The following GORAB variants were observed in gnomAD, a reference collection of about 807,000 sequenced individuals.
GORAB encodes the protein golgin, RAB6 interacting, also known as RAB6-interacting golgin.
Under a neutral mutation model 29.9 loss-of-function variants are expected in GORAB, and 17 were observed. The ratio of observed to expected loss-of-function variants is 0.57; its 90% CI spans 0.39 to 0.85. GORAB has a LOEUF of 0.85. GORAB is among the 40% of genes least tolerant of loss of function. The probability of loss-of-function intolerance (pLI) is 0.00; values close to 1 mark genes in which losing one functional copy is unlikely to be tolerated. For synonymous variants in GORAB, 183 were observed against 157.2 expected, an observed-to-expected ratio of 1.16 and a Z score of -1.23; for missense variants, 442 against 437.8, an observed-to-expected ratio of 1.01 and a Z score of -0.09.
chr1:170,538,253 T>G (rs1368980646), intron 1 of GORAB, among the ~76,000 whole-genome samples: 1 of 152,212 alleles, frequency 6.6e-6, no homozygotes, highest in Non-Finnish European at 1.5e-5. Context: ...CTAGAGCTTT[T>G]AACTATACTT....
In GORAB at chr1:170,552,290, C is replaced by T. The variant is rs1329427907; in HGVS notation, c.938C>T (p.Pro313Leu). The change falls in exon 5 of 5, where the codon CCT becomes CTT. Residue 313 changes from proline to leucine, a missense_variant. By Grantham distance (98) the Pro-to-Leu change is moderately conservative. Transcript: ENST00000367763. Reference protein sequence around the residue: ...PVVRLERPFQPAEESVTLEFA... With the variant: ...PVVRLERPFQLAEESVTLEFA... ...GTTCGTTTAGAGAGGCCATTTCAGC[C>T]TGCGGAGGAGAGTGTGACATTAGAA... 1 of 1,614,104 alleles carries T rather than the reference C, an allele frequency of 6.2e-7. No individual in the cohort carries two copies. The highest frequency in any genetic ancestry group is 1.1e-5 in the South Asian group (1 of 91,086).
At position 170,553,255 on chromosome 1, in the gene GORAB, A is replaced by G. The variant is rs1650239725; in HGVS notation, c.*793A>G. ...GCTACTTGTGATTATCAAAAAAAGTATGTATTTTCTTTCTAAAGTTATCTA... is the reference window on the plus strand; with the variant it reads ...GCTACTTGTGATTATCAAAAAAAGTGTGTATTTTCTTTCTAAAGTTATCTA... On this transcript the variant is annotated 3_prime_UTR_variant, in exon 5 of 5. Coordinates refer to ENST00000367763, the MANE Select transcript of GORAB (RefSeq NM_152281.3). 2.2e-6 allele frequency: 1 copy of G among 447,516 alleles called. No individual in the cohort carries two copies. Among genetic ancestry groups the G allele is most frequent in the Non-Finnish European group, 4.4e-6 (1 of 224,798 alleles). The allele number at this position is 447,516 out of a possible 1,614,324, so 27.7% of individuals were successfully genotyped here. A position where few individuals can be genotyped will look rare whatever the true frequency, so the allele number is the denominator to read the frequency against.
intron 4 of GORAB, chr1:170,545,842 AT>A: frequency 1.6e-6 from 1 of 618,416 alleles, no homozygotes; most frequent in Non-Finnish European, 2.0e-6. Flanking sequence ...ACCATATGCT[AT>A]TAGACTTAGA....
chr1:170,537,291 G>A (rs1274153041), intron 1 of GORAB, among the ~76,000 whole-genome samples: 1 of 152,106 alleles, frequency 6.6e-6, no homozygotes, highest in Non-Finnish European at 1.5e-5. Flanking sequence ...TGCATTGTGA[G>A]CAGAAGTGTT....
At chr1:170,535,006 C>T (rs976591535) in intron 1 of GORAB, among the ~76,000 whole-genome samples, 6 of 152,154 alleles carry the variant, frequency 3.9e-5, no homozygotes, top group Non-Finnish European at 8.8e-5. Flanking sequence ...TCACTCGTTT[C>T]ATGTTTAATG....
At chr1:170,551,798 T>C (rs1352845914) in intron 4 of GORAB, among the ~76,000 whole-genome samples, 1 of 152,240 alleles carries the variant, frequency 6.6e-6, no homozygotes, top group Non-Finnish European at 1.5e-5. Flanking sequence ...ATAACATGTT[T>C]TCATTAGGTG....
intron 1 of GORAB, among the ~76,000 whole-genome samples, chr1:170,533,052 G>C (rs1178133369): frequency 1.3e-5 from 2 of 152,162 alleles, no homozygotes; most frequent in Admixed American, 6.5e-5. Flanking sequence ...CTTTGCTTGT[G>C]GTTGAAATTT....
rs1247450008 is a variant in GORAB, at chr1:170,552,253, A to G, written c.901A>G (p.Arg301Gly). The change falls in exon 5 of 5, where the codon AGG becomes GGG. Residue 301 changes from arginine to glycine, a missense_variant. Transcript: ENST00000367763. ...GCTACACGAACAAGAAGTAGAATCA[A>G]GGAGACCAGTGGTTCGTTTAGAGAG... ...RLLHEQEVES[R>G]RPVVRLERPF... 5.0e-6 allele frequency: 8 copies of G among 1,614,048 alleles called. No homozygotes were observed. Among genetic ancestry groups the G allele is most frequent in the Admixed American group, 1.7e-5 (1 of 60,006 alleles).
At chr1:170,545,771 C>G (rs975007752) in intron 4 of GORAB, 4 of 980,436 alleles carry the variant, frequency 4.1e-6, no homozygotes, top group Non-Finnish European at 4.8e-6. Flanking sequence ...TTTTAATAAA[C>G]TGTTGAGTGT....
At chr1:170,551,025 T>TC (rs1471672953) in intron 4 of GORAB, among the ~76,000 whole-genome samples, 199 of 152,356 alleles carry the variant, frequency 1.3e-3, no homozygotes, top group African/African-American at 4.7e-3. Flanking sequence ...CACATAAGAT[T>TC]ACCTGTCAAC....
chr1:170,542,215 G>A (rs753280992), intron 2 of GORAB, among the ~76,000 whole-genome samples: 31 of 152,044 alleles, frequency 2.0e-4, no homozygotes, highest in African/African-American at 4.8e-4. Context: ...CAGTATTCTG[G>A]CTTCCAGTTT....
At chr1:170,538,394 A>G (rs1029853039) in intron 1 of GORAB, among the ~76,000 whole-genome samples, 1 of 152,234 alleles carries the variant, frequency 6.6e-6, no homozygotes, top group Non-Finnish European at 1.5e-5. Flanking sequence ...AATGCTATTT[A>G]TAGATCTTAT....
chr1:170,532,269 C>T lies in GORAB; in HGVS notation c.46C>T (p.Leu16=). ...AGFSEEELRR[L]KQTKDPFEPQ... ...ATTCTCTGAGGAGGAACTGAGGAGACTAAAGCAGACTAAAGGTTACAAGAT... is the reference window on the plus strand; with the variant it reads ...ATTCTCTGAGGAGGAACTGAGGAGATTAAAGCAGACTAAAGGTTACAAGAT... The change falls in exon 1 of 5, where the codon CTA becomes TTA. Residue 16 remains leucine (L), a synonymous_variant. Transcript: ENST00000367763. The T allele has an allele frequency of 6.2e-7, 1 of 1,613,986 alleles. No individual in the cohort carries two copies. The highest frequency in any genetic ancestry group is 2.2e-5 in the East Asian group (1 of 44,856).
chr1:170,546,934 C>G lies in GORAB; in HGVS notation c.662+2089C>G, dbSNP rs573909373. ...TCTTGACCTCAGGTGATCCGCCTGC[C>G]TCAGCCTCCCAAAGTTCTGGGATTA... On this transcript the variant is annotated intron_variant, in intron 4 of 4. Transcript: ENST00000367763. 2.0e-3 allele frequency among the ~76,000 whole-genome samples: 308 copies of G among 152,254 alleles called. 1 individual carries two copies. Among genetic ancestry groups the G allele is most frequent in the Non-Finnish European group, 3.2e-3 (217 of 68,018 alleles).
In GORAB at chr1:170,553,501, A is replaced by G. The variant is rs777070030; in HGVS notation, c.*1039A>G. The G allele has an allele frequency of 2.2e-4, 96 of 431,290 alleles. 1 individual carries two copies. Among genetic ancestry groups the G allele is most frequent in the Non-Finnish European group, 3.5e-4 (77 of 220,826 alleles). 26.7% of individuals were successfully genotyped at this position (431,290 alleles called of 1,614,324 possible). ...ATCAGAAATTCCAAAAAGTAAAAAT[A>G]TTACCTTTGAGGACTTTTTTTTTTT... On this transcript the variant is annotated 3_prime_UTR_variant, in exon 5 of 5. Coordinates refer to ENST00000367763, the MANE Select transcript of GORAB (RefSeq NM_152281.3).
chr1:170,537,703 C>G (rs1473090477), intron 1 of GORAB, among the ~76,000 whole-genome samples: 1 of 152,130 alleles, frequency 6.6e-6, no homozygotes, highest in Admixed American at 6.5e-5. Flanking sequence ...ACTAGACTTA[C>G]GCTTCTCAGT....
intron 2 of GORAB, among the ~76,000 whole-genome samples, chr1:170,541,910 C>T (rs1024392100): frequency 2.0e-5 from 3 of 151,430 alleles, no homozygotes; most frequent in Non-Finnish European, 4.4e-5. Context: ...CCTAGGAGTT[C>T]GAGACCTGAC....
Position 170,539,399 on chromosome 1 carries a change from C to T in GORAB, c.251C>T (p.Thr84Ile). The part of the protein sequence containing the change: ...NVQKPPFSSP[T>I]LPSHFTLTSP... ...CAAAAACCACCTTTTTCTTCCCCTA[C>T]TCTTCCGAGTCATTTCACTCTCACC... The change falls in exon 2 of 5, where the codon ACT becomes ATT. Residue 84 changes from threonine to isoleucine, a missense_variant. Physicochemically the swap from Thr to Ile is moderately conservative, Grantham distance 89 (BLOSUM62 -1). Transcript: ENST00000367763. The T allele has an allele frequency of 6.2e-7, 1 of 1,614,168 alleles. No individual in the cohort carries two copies. Among genetic ancestry groups the T allele is most frequent in the Non-Finnish European group, 8.5e-7 (1 of 1,180,016 alleles).
In GORAB at chr1:170,552,583, A is replaced by T; in HGVS notation, c.*121A>T. 1.1e-6 allele frequency: 1 copy of T among 873,594 alleles called. No homozygotes were observed. Among genetic ancestry groups the T allele is most frequent in the South Asian group, 1.4e-5 (1 of 73,712 alleles). 54.1% of individuals were successfully genotyped at this position (873,594 alleles called of 1,614,324 possible). On this transcript the variant is annotated 3_prime_UTR_variant, in exon 5 of 5. Transcript: ENST00000367763. ...AATGCTGATTTTTGAATTCATGATT[A>T]GTTTTAGTAAATTAATAGGTTTGGC...
Sources: gnomAD v4.1 joint callset for allele counts (sites outside exome capture counted in the v4.1 genomes callset) on GRCh38, gnomAD v4.1.1 for gene constraint, MANE v1.5 for transcripts, NCBI Gene and HGNC (gene_info 2026-07-23, HGNC 2026-07-21) for gene names.